IL12RB1: variants seen among roughly 807,000 people sequenced by gnomAD.
IL12RB1 encodes the protein interleukin 12 receptor subunit beta 1, also known as interleukin-12 receptor subunit beta-1.
IL12RB1 carries 64 observed loss-of-function variants against 94.4 expected under a neutral mutation model. The ratio of observed to expected loss-of-function variants is 0.68; its 90% CI spans 0.55 to 0.83. The LOEUF is 0.83. Among genes scored for constraint, IL12RB1 ranks in the 40% least tolerant of loss-of-function variants. The pLI, the probability that IL12RB1 is intolerant of heterozygous loss-of-function variation, is 0.00. For missense variants in IL12RB1, 814 were observed against 855.6 expected, an observed-to-expected ratio of 0.95 and a Z score of 0.61; for synonymous variants, 362 against 355.5, an observed-to-expected ratio of 1.02 and a Z score of -0.21.
intron 1 of IL12RB1, among the ~76,000 whole-genome samples, chr19:18,096,640 G>A (rs1262954906): frequency 6.6e-6 from 1 of 152,004 alleles, no homozygotes; most frequent in East Asian, 1.9e-4. Flanking sequence ...TTCGAGACAA[G>A]CCTGGCCAAC....
chr19:18,069,217 A>G (rs1043024662), intron 10 of IL12RB1, among the ~76,000 whole-genome samples: 4 of 152,184 alleles, frequency 2.6e-5, no homozygotes, highest in Admixed American at 2.6e-4. Context: ...AAGACTGCTC[A>G]TTAATTTGCC....
intron 15 of IL12RB1, 98 bp from the exon 16 acceptor site, chr19:18,060,183 A>T (rs1448798124): frequency 7.5e-6 from 5 of 669,048 alleles, no homozygotes; most frequent in Non-Finnish European, 1.3e-5. Flanking sequence ...AAATTCTCTA[A>T]CATCCTGAGA....
At chr19:18,064,103 C>A (rs2146126107) in intron 12 of IL12RB1, 93 bp from the exon 13 acceptor site, 43 of 669,736 alleles carry the variant, frequency 6.4e-5, no homozygotes, top group Non-Finnish European at 9.0e-5. Flanking sequence ...GGTGGGGATT[C>A]ATAGGCATTT....
chr19:18,077,416 G>A, intron 5 of IL12RB1, 100 bp downstream of exon 5: 1 of 912,336 alleles, frequency 1.1e-6, no homozygotes, highest in Non-Finnish European at 1.8e-6. Flanking sequence ...GTGGGGGCTG[G>A]TTGGGAGCGG....
At chr19:18,076,425 CA>C in intron 5 of IL12RB1, 98 bp from the exon 6 acceptor site, 1 of 724,704 alleles carries the variant, frequency 1.4e-6, no homozygotes, top group Non-Finnish European at 2.5e-6. Context: ...TTATCTGAGA[CA>C]CGGTCTCACT....
At position 18,077,506 on chromosome 19, in the gene IL12RB1, A is replaced by G; in HGVS notation, c.549+10T>C. 6.2e-7 allele frequency: 1 copy of G among 1,605,940 alleles called. No individual in the cohort carries two copies. The highest frequency in any genetic ancestry group is 8.5e-7 in the Non-Finnish European group (1 of 1,175,486). Reference sequence around the variant, plus strand: ...CCCGTGTCCACCCTGGACTTGGGAAACAAACTCACCAACTTCCATGGGCTG... The same window carrying G: ...CCCGTGTCCACCCTGGACTTGGGAAGCAAACTCACCAACTTCCATGGGCTG... On this transcript the variant is annotated intron_variant, in intron 5 of 16. Transcript: ENST00000593993.
At chr19:18,060,708 G>A (rs1442132204) in intron 15 of IL12RB1, among the ~76,000 whole-genome samples, 4 of 152,000 alleles carry the variant, frequency 2.6e-5, no homozygotes, top group Non-Finnish European at 4.4e-5. Context: ...CTCAGGGAAG[G>A]GCATGTGACC....
upstream of IL12RB1, among the ~76,000 whole-genome samples, chr19:18,089,056 A>C (rs573559753): frequency 3.3e-4 from 50 of 150,022 alleles, no homozygotes; most frequent in South Asian, 4.2e-3. Context: ...CACATACACA[A>C]AAAAAAAAAC....
chr19:18,062,310 T>A (rs1304635696), intron 13 of IL12RB1, 33 bp from the exon 14 acceptor site: 3 of 1,342,962 alleles, frequency 2.2e-6, no homozygotes, highest in Admixed American at 1.8e-5. Flanking sequence ...GGCAGAGGGC[T>A]ACCTCCTGCC....
At chr19:18,064,899 CGCCCACCAGTGT>C (rs2034464819) in intron 12 of IL12RB1, among the ~76,000 whole-genome samples, 1 of 152,162 alleles carries the variant, frequency 6.6e-6, no homozygotes, top group African/African-American at 2.4e-5. Flanking sequence ...CCATAAGACA[CGCCCACCAGTGT>C]GCCATGTCAG....
chr19:18,087,235 A>T (rs1384618375), upstream of IL12RB1, among the ~76,000 whole-genome samples: 4 of 136,862 alleles, frequency 2.9e-5, no homozygotes, highest in Non-Finnish European at 4.6e-5. Context: ...TTTGAGATGG[A>T]GCCCTGCTCT....
At chr19:18,079,628 G>C (rs2035734485) in intron 4 of IL12RB1, among the ~76,000 whole-genome samples, 1 of 151,808 alleles carries the variant, frequency 6.6e-6, no homozygotes, top group South Asian at 2.1e-4. Context: ...CATGTAAGTG[G>C]GATGGGCGCG....
Position 18,082,750 on chromosome 19 carries a change from G to A in IL12RB1, c.125-486C>T, listed in dbSNP as rs1003533696. On this transcript the variant is annotated intron_variant, in intron 2 of 16. Coordinates refer to ENST00000593993, the MANE Select transcript of IL12RB1 (RefSeq NM_005535.3). ...GGACAGCGTGTCTGCTTAGTGTTCAGACCCTTTTCAGGGTGCATTAGGAGC... is the reference window on the plus strand; with the variant it reads ...GGACAGCGTGTCTGCTTAGTGTTCAAACCCTTTTCAGGGTGCATTAGGAGC... 2.6e-5 allele frequency among the ~76,000 whole-genome samples: 4 copies of A among 152,182 alleles called. No individual in the cohort carries two copies. In the East Asian group the frequency reaches 5.8e-4, roughly 22 times the overall value.
chr19:18,072,348 G>A lies in IL12RB1; in HGVS notation c.785C>T (p.Pro262Leu), dbSNP rs2035123189. 8 of 1,610,552 alleles carry A rather than the reference G, an allele frequency of 5.0e-6. No individual in the cohort carries two copies. Among genetic ancestry groups the A allele is most frequent in the African/African-American group, 4.0e-5 (3 of 74,846 alleles). ...GCCTTCTGGAAGCTCCAGCTGGGTT[G>A]GCTGTCAGGAGTATGAAAGACAGCT... ...GRRRLTLKEQ[P>L]TQLELPEGCQ... Residue 262 changes from proline (P) to leucine (L), a missense_variant and splice_region_variant, in exon 9 of 17, where the codon CCA becomes CTA. Physicochemically the swap from Pro to Leu is moderately conservative, Grantham distance 98 (BLOSUM62 -3). Transcript: ENST00000593993.
At chr19:18,086,066 C>A (rs1053625729) in intron 1 of IL12RB1, among the ~76,000 whole-genome samples, 2 of 151,476 alleles carry the variant, frequency 1.3e-5, no homozygotes, top group Non-Finnish European at 2.9e-5. Flanking sequence ...AAGTATACAC[C>A]AAAAAAATTA....
In IL12RB1 at chr19:18,086,758, A is replaced by C. The variant is rs765825621; in HGVS notation, c.64+2T>G. 2.5e-6 allele frequency: 4 copies of C among 1,608,804 alleles called. No homozygotes were observed. Among genetic ancestry groups the C allele is most frequent in the Non-Finnish European group, 3.4e-6 (4 of 1,177,860 alleles). On this transcript the variant is annotated splice_donor_variant, in intron 1 of 16. Coordinates refer to ENST00000593993, the MANE Select transcript of IL12RB1 (RefSeq NM_005535.3). LOFTEE classifies it high-confidence loss of function. The stretch of plus-strand genomic sequence containing the variant: ...CCGCCATGCCAGGGTCAGGGGACTC[A>C]CCGCCCTGCCTGGACAGCAGGAAGA...
In IL12RB1 at chr19:18,077,910, C is replaced by T. The variant is rs530197923; in HGVS notation, c.410-255G>A. 3.3e-5 allele frequency among the ~76,000 whole-genome samples: 5 copies of T among 152,106 alleles called. No individual in the cohort carries two copies. The East Asian group carries it at 5.8e-4, about 18-fold the overall frequency. ...GGAAGATCACTTAAGCCCAGGAGTTCGAGACCAGCCTGGGCAACATAGTGA... is the reference window on the plus strand; with the variant it reads ...GGAAGATCACTTAAGCCCAGGAGTTTGAGACCAGCCTGGGCAACATAGTGA... On this transcript the variant is annotated intron_variant, in intron 4 of 16. Transcript: ENST00000593993.
intron 1 of IL12RB1, among the ~76,000 whole-genome samples, chr19:18,096,120 C>T (rs2036901900): frequency 6.6e-6 from 1 of 152,000 alleles, no homozygotes; most frequent in Non-Finnish European, 1.5e-5. Context: ...CCCACCTACT[C>T]TGGGAGCTGG....
chr19:18,089,573 C>T (rs988185098), upstream of IL12RB1, among the ~76,000 whole-genome samples: 7 of 147,720 alleles, frequency 4.7e-5, no homozygotes, highest in Admixed American at 6.8e-5. Flanking sequence ...TGCAGTGAGC[C>T]GAGATCACAC....
Sources: allele counts gnomAD v4.1 joint callset (sites outside exome capture counted in the v4.1 genomes callset), GRCh38; gene constraint gnomAD v4.1.1; transcripts MANE v1.5; gene names NCBI Gene and HGNC (gene_info 2026-07-23, HGNC 2026-07-21).